The following CYP2C18 variants were observed in gnomAD, a reference collection of about 807,000 sequenced individuals.
The protein encoded by CYP2C18 is cytochrome P450 2C18.
Under a neutral mutation model 41.3 loss-of-function variants are expected in CYP2C18, and 38 were observed. That is an observed-to-expected ratio of 0.92 (90% CI 0.71 to 1.21). The LOEUF (loss-of-function observed/expected upper bound fraction) is 1.21, where lower values mean the gene tolerates loss of function less well. Among genes scored for constraint, CYP2C18 ranks in the 50% most tolerant of loss-of-function variants. The pLI is 0.00. For synonymous variants in CYP2C18, 236 were observed against 210.0 expected, an observed-to-expected ratio of 1.12 and a Z score of -1.07; for missense variants, 635 against 591.4, an observed-to-expected ratio of 1.07 and a Z score of -0.77.
At chr10:94,728,077 A>C (rs1847773242) in intron 7 of CYP2C18, among the ~76,000 whole-genome samples, 1 of 152,150 alleles carries the variant, frequency 6.6e-6, no homozygotes, top group Admixed American at 6.6e-5. Flanking sequence ...CAGTCAAGGA[A>C]CAAGCTTTTA....
intron 5 of CYP2C18, among the ~76,000 whole-genome samples, chr10:94,719,087 T>C (rs775880159): frequency 6.6e-6 from 1 of 152,154 alleles, no homozygotes; most frequent in Non-Finnish European, 1.5e-5. Flanking sequence ...TTATTTGGTG[T>C]ATCCTTGGGT....
At chr10:94,727,663 A>C (rs1407954777) in intron 7 of CYP2C18, among the ~76,000 whole-genome samples, 5 of 152,102 alleles carry the variant, frequency 3.3e-5, no homozygotes, top group Admixed American at 6.6e-5. Context: ...CATGTATTCA[A>C]TTATATGGTA....
chr10:94,721,987 C>T (rs1318817664), intron 6 of CYP2C18, among the ~76,000 whole-genome samples: 3 of 152,148 alleles, frequency 2.0e-5, no homozygotes, highest in East Asian at 1.9e-4. Context: ...GATGTCTTTT[C>T]GATAAAATGA....
At chr10:94,692,860 T>C (rs1244400834) in intron 3 of CYP2C18, among the ~76,000 whole-genome samples, 3 of 152,174 alleles carry the variant, frequency 2.0e-5, no homozygotes, top group African/African-American at 7.2e-5. Flanking sequence ...GATGAGTTCA[T>C]GTCCTTTGTA....
intron 4 of CYP2C18, among the ~76,000 whole-genome samples, chr10:94,697,605 G>T (rs565715814): frequency 6.6e-6 from 1 of 152,296 alleles, no homozygotes; most frequent in African/African-American, 2.4e-5. Flanking sequence ...ACATCATAAT[G>T]ACAGGATCAA....
In CYP2C18 at chr10:94,690,022, G is replaced by A. The variant is rs1196169039; in HGVS notation, c.481+1748G>A. ...TTTCTTTTTGCTCTTGCTGCCTCCT[G>A]ACCAACCCTGGTACTTCCCCATGTG... On this transcript the variant is annotated intron_variant, in intron 3 of 8. Transcript: ENST00000285979. 2.0e-5 allele frequency among the ~76,000 whole-genome samples: 3 copies of A among 152,052 alleles called. No homozygotes were observed. The East Asian group carries it at 5.8e-4, about 29-fold the overall frequency.
chr10:94,733,755 A>C, intron 8 of CYP2C18: 15 of 227,236 alleles, frequency 6.6e-5, no homozygotes, highest in Non-Finnish European at 1.1e-4. Flanking sequence ...GACATTTCTC[A>C]TCTGCCATGA....
At chr10:94,689,861 G>A (rs1354261841) in intron 3 of CYP2C18, among the ~76,000 whole-genome samples, 1 of 151,992 alleles carries the variant, frequency 6.6e-6, no homozygotes, top group African/African-American at 2.4e-5. Flanking sequence ...CCAGTTATGG[G>A]ACAACTATGG....
intron 7 of CYP2C18, among the ~76,000 whole-genome samples, chr10:94,727,632 A>AT (rs1847764638): frequency 6.6e-6 from 1 of 151,988 alleles, no homozygotes; most frequent in Admixed American, 6.6e-5. Context: ...ACAAAAAAAA[A>AT]AGAGGAAAGA....
chr10:94,685,905 A>AT (rs1359802337), intron 1 of CYP2C18, among the ~76,000 whole-genome samples: 9 of 151,796 alleles, frequency 5.9e-5, no homozygotes, highest in South Asian at 4.2e-4. Context: ...AAATTTTAAG[A>AT]TTTTTTTTCT....
chr10:94,718,500 G>A (rs1278225409), intron 5 of CYP2C18, among the ~76,000 whole-genome samples: 1 of 152,036 alleles, frequency 6.6e-6, no homozygotes, highest in Non-Finnish European at 1.5e-5. Flanking sequence ...TACTGAGAGT[G>A]GGCATCCATA....
In CYP2C18 at chr10:94,724,824, T is replaced by C. The variant is rs114959271; in HGVS notation, c.1149+291T>C. ...AGTAAGTGTTGAAAGTATCATTTTG[T>C]CAATTTCCCAAAACACTGTGCTGGG... On this transcript the variant is annotated intron_variant, in intron 7 of 8. Coordinates refer to ENST00000285979, the MANE Select transcript of CYP2C18 (RefSeq NM_000772.3). Among the ~76,000 whole-genome samples, 513 of 152,116 alleles carry C rather than the reference T, an allele frequency of 3.4e-3. 2 individuals are homozygous for C. The highest frequency in any genetic ancestry group is 0.012 in the African/African-American group (497 of 41,534).
chr10:94,690,576 T>G (rs893930230), intron 3 of CYP2C18, among the ~76,000 whole-genome samples: 2 of 152,192 alleles, frequency 1.3e-5, no homozygotes, highest in Non-Finnish European at 2.9e-5. Context: ...CAGGACCAGA[T>G]GGATTCACAG....
At chr10:94,707,377 A>AT (rs1396511924) in intron 5 of CYP2C18, among the ~76,000 whole-genome samples, 1 of 152,102 alleles carries the variant, frequency 6.6e-6, no homozygotes, top group Non-Finnish European at 1.5e-5. Context: ...GGGGCAGTCA[A>AT]TTTTTTGGTG....
chr10:94,733,525 G>C, intron 8 of CYP2C18, 87 bp downstream of exon 8: 1 of 1,570,104 alleles, frequency 6.4e-7, no homozygotes, highest in South Asian at 1.2e-5. Context: ...CACCTCTGAG[G>C]TTTGGCTGAA....
At chr10:94,711,997 A>G (rs1847443497) in intron 5 of CYP2C18, among the ~76,000 whole-genome samples, 2 of 118,628 alleles carry the variant, frequency 1.7e-5, no homozygotes, top group South Asian at 6.8e-4. Flanking sequence ...GCATGCCACC[A>G]TGCCCAACTA....
intron 4 of CYP2C18, among the ~76,000 whole-genome samples, chr10:94,703,054 A>G (rs1182763906): frequency 1.3e-5 from 2 of 152,172 alleles, no homozygotes; most frequent in African/African-American, 2.4e-5. Context: ...CCTGGGTATC[A>G]CCAGCAGCGG....
chr10:94,713,682 T>C (rs1847486664), intron 5 of CYP2C18, among the ~76,000 whole-genome samples: 1 of 152,212 alleles, frequency 6.6e-6, no homozygotes, highest in Non-Finnish European at 1.5e-5. Flanking sequence ...TTATAATCCT[T>C]TGGGTATATA....
rs1847351051 is a variant in CYP2C18, at chr10:94,706,799, C to T, written c.658C>T (p.Pro220Ser). Residue 220 changes from proline (P) to serine (S), a missense_variant, in exon 5 of 9, where the codon CCT becomes TCT. Coordinates refer to ENST00000285979, the MANE Select transcript of CYP2C18 (RefSeq NM_000772.3). ...SPWIQVCNNF[P>S]ALIDYLPGSH... ...AATCTTTAAGGTCTGCAATAATTTC[C>T]CTGCTCTCATCGATTATCTCCCAGG... The T allele has an allele frequency of 2.5e-6, 4 of 1,588,428 alleles. No homozygotes were observed. In the South Asian group the frequency reaches 4.5e-5, roughly 18 times the overall value.
Sources: gnomAD v4.1 joint callset for allele counts (sites outside exome capture counted in the v4.1 genomes callset) on GRCh38, gnomAD v4.1.1 for gene constraint, MANE v1.5 for transcripts, NCBI Gene and HGNC (gene_info 2026-07-23, HGNC 2026-07-21) for gene names.